ABCA2: variants seen among roughly 807,000 people sequenced by gnomAD.
ABCA2 encodes the protein ATP-binding cassette sub-family A member 2.
In ABCA2, 84 loss-of-function variants were observed where a neutral mutation model predicts 262.8. The observed-to-expected ratio is 0.32, with a 90% CI of 0.27 to 0.38. ABCA2 has a LOEUF of 0.38. Ranked by LOEUF, ABCA2 falls within the 10% of genes least tolerant of loss-of-function variation. The pLI, the probability that ABCA2 is intolerant of heterozygous loss-of-function variation, is 1.00. For missense variants in ABCA2, 2,662 were observed against 3,405.9 expected (o/e 0.78, Z 5.44); for synonymous variants, 1,696 against 1,502.9 (o/e 1.13, Z -2.97).
At chr9:137,016,508 C>T (rs774592891) in intron 20 of ABCA2, 37 bp from the exon 21 acceptor site, 23 of 1,612,220 alleles carry the variant, frequency 1.4e-5, no homozygotes, top group Admixed American at 5.0e-5. Flanking sequence ...GTGGGGGCGG[C>T]GCCAAGGCCA....
In ABCA2 at chr9:137,011,767, G is replaced by T. The variant is rs1831053776; in HGVS notation, c.5536-18C>A. On this transcript the variant is annotated intron_variant, in intron 35 of 48. Coordinates refer to ENST00000341511, the MANE Select transcript of ABCA2 (RefSeq NM_001606.5). This position sits in a 1 kb window ranked among gnomAD's most constrained non-coding sequence, Gnocchi z 8.8. Reference sequence around the variant, plus strand: ...TAGTTGAGCTGCAGGGGTGGGGGCGGCTGGTGAGAGACCCGGGGCAGGGCG... The same window carrying T: ...TAGTTGAGCTGCAGGGGTGGGGGCGTCTGGTGAGAGACCCGGGGCAGGGCG... The T allele has an allele frequency of 6.5e-7, 1 of 1,549,632 alleles. No homozygotes were observed. The highest frequency in any genetic ancestry group is 1.4e-5 in the African/African-American group (1 of 73,146).
chr9:137,009,520 A>C lies in ABCA2; in HGVS notation c.6734+21T>G, dbSNP rs779274701. 7 of 1,272,400 alleles carry C rather than the reference A, an allele frequency of 5.5e-6. No homozygotes were observed. The East Asian group carries it at 1.2e-4, about 21-fold the overall frequency. 78.8% of individuals were successfully genotyped at this position (1,272,400 alleles called of 1,614,324 possible). On this transcript the variant is annotated intron_variant, in intron 44 of 48. Transcript: ENST00000341511. Reference sequence around the variant, plus strand: ...GGTGCTGTGGGGTGGGGGCACAAAGAGGGGGTGGGGGCGCCCTCACCTGTG... The same window carrying C: ...GGTGCTGTGGGGTGGGGGCACAAAGCGGGGGTGGGGGCGCCCTCACCTGTG...
At position 137,011,804 on chromosome 9, in the gene ABCA2, TGAG is replaced by T. The variant is rs764062127; in HGVS notation, c.5535+37_5535+39del. ...CCCGGGGCAGGGCGGGGATGGGGGA[TGAG>T]AAGGGCCGGGGCACCCCATGGCCAC... On this transcript the variant is annotated intron_variant, in intron 35 of 48. Coordinates refer to ENST00000341511, the MANE Select transcript of ABCA2 (RefSeq NM_001606.5). The surrounding 1 kb of genome is among the most constrained non-coding windows in gnomAD (Gnocchi z 8.8). The T allele has an allele frequency of 1.2e-4, 193 of 1,552,230 alleles. No individual in the cohort carries two copies. The highest frequency in any genetic ancestry group is 1.6e-4 in the Non-Finnish European group (184 of 1,148,834).
At chr9:137,009,337 C>T (rs748599738) in intron 45 of ABCA2, 33 bp downstream of exon 45, 7 of 1,379,598 alleles carry the variant, frequency 5.1e-6, no homozygotes, top group South Asian at 5.0e-5. Context: ...CCCGGGCCCG[C>T]CCCAGCCCAC....
intron 6 of ABCA2, 31 bp from the exon 7 acceptor site, chr9:137,022,032 G>GGGTGTGGCTCAGATGGA (rs760804405): frequency 2.2e-6 from 3 of 1,352,812 alleles, no homozygotes; most frequent in Non-Finnish European, 3.1e-6. Flanking sequence ...GCTCAGATGG[G>GGGTGTGGCTCAGATGGA]GTGTGGGGGG....
In ABCA2 at chr9:137,018,177, C is replaced by T; in HGVS notation, c.1993+1G>A. The T allele has an allele frequency of 6.2e-7, 1 of 1,612,056 alleles. No homozygotes were observed. Among genetic ancestry groups the T allele is most frequent in the Non-Finnish European group, 8.5e-7 (1 of 1,179,648 alleles). On this transcript the variant is annotated splice_donor_variant, in intron 14 of 48. Coordinates refer to ENST00000341511, the MANE Select transcript of ABCA2 (RefSeq NM_001606.5). LOFTEE classifies it high-confidence loss of function. ...GCCGGTCTTCCGGGCCTGCTCCTCA[C>T]CCTGGATCCAGACGAAGCCGTAGAG...
rs1364115511 is a variant in ABCA2, at chr9:137,009,587, G to A, written c.6688C>T (p.Leu2230Phe). The part of the protein sequence containing the change: ...KARRFLWNLI[L>F]DLIKTGRSVV... ...GAACGCCCTGTCTTGATGAGGTCAA[G>A]GATGAGGTTCCAGAGGAAGCGCCGG... The change falls in exon 44 of 49, where the codon CTT becomes TTT. Residue 2230 changes from leucine to phenylalanine, a missense_variant. Physicochemically the swap from Leu to Phe is conservative, Grantham distance 22 (BLOSUM62 0). This residue lies in a region of ABCA2 where 602 missense variants were observed against 897.4 expected (regional missense o/e 0.67). Transcript: ENST00000341511. 2 of 1,612,854 alleles carry A rather than the reference G, an allele frequency of 1.2e-6. No homozygotes were observed. The highest frequency in any genetic ancestry group is 1.7e-6 in the Non-Finnish European group (2 of 1,179,928).
chr9:137,013,673 C>T (rs1831150632), intron 28 of ABCA2, 110 bp from the exon 29 acceptor site: 4 of 1,367,682 alleles, frequency 2.9e-6, no homozygotes, highest in Admixed American at 2.1e-5. Flanking sequence ...GGGTCTGGGA[C>T]CCGAGGAGAC....
chr9:137,018,868 G>T (rs766455355), intron 12 of ABCA2, 35 bp downstream of exon 12: 2 of 1,612,170 alleles, frequency 1.2e-6, no homozygotes, highest in Non-Finnish European at 1.7e-6. Flanking sequence ...GAGGCAGGGG[G>T]TGTCGTGGGT....
In ABCA2 at chr9:137,008,872, CA is replaced by C. The variant is rs755662629; in HGVS notation, c.6931-5del. The C allele has an allele frequency of 2.2e-5, 35 of 1,603,878 alleles. No homozygotes were observed. Among genetic ancestry groups the C allele is most frequent in the Non-Finnish European group, 2.9e-5 (34 of 1,179,500 alleles). On this transcript the variant is annotated splice_polypyrimidine_tract_variant and splice_region_variant and intron_variant, in intron 46 of 48. Coordinates refer to ENST00000341511, the MANE Select transcript of ABCA2 (RefSeq NM_001606.5). ...GCACCTTTGTGTGGTGCCGCTCCTG[CA>C]GGGGGGGAGGTCAGAGGCCTGGCAG...
rs1831006847 is a variant in ABCA2, at chr9:137,010,720, G to A, written c.6074C>T (p.Thr2025Ile). The A allele has an allele frequency of 6.2e-7, 1 of 1,612,528 alleles. No homozygotes were observed. The highest frequency in any genetic ancestry group is 8.5e-7 in the Non-Finnish European group (1 of 1,179,848). ...LRRPQRMPVSTKPVEDDVDVA... is the reference protein window; with the variant it reads ...LRRPQRMPVSIKPVEDDVDVA... ...GTCCACATCATCCTCCACAGGCTTG[G>A]TAGACACAGGCATGCGCCTTGGGGG... Residue 2025 changes from threonine (T) to isoleucine (I), a missense_variant, in exon 40 of 49, where the codon ACC becomes ATC. Coordinates refer to ENST00000341511, the MANE Select transcript of ABCA2 (RefSeq NM_001606.5).
intron 3 of ABCA2, chr9:137,023,608 C>T: frequency 1.4e-6 from 1 of 720,164 alleles, no homozygotes; most frequent in East Asian, 2.6e-5. Context: ...GATGCCGCCT[C>T]AGCTTGACCC....
chr9:137,013,683 C>G, intron 28 of ABCA2, 120 bp from the exon 29 acceptor site: 1 of 1,356,844 alleles, frequency 7.4e-7, no homozygotes, highest in Non-Finnish European at 1.0e-6. Flanking sequence ...CCCGAGGAGA[C>G]AGGACTCCCG....
Position 137,019,424 on chromosome 9 carries a change from C to CTT in ABCA2, c.1426-120_1426-119dup, listed in dbSNP as rs35180161. The CTT allele has an allele frequency of 6.2e-3, 5,572 of 897,392 alleles. No individual in the cohort carries two copies. Among genetic ancestry groups the CTT allele is most frequent in the Non-Finnish European group, 6.8e-3 (4,316 of 631,796 alleles). 55.6% of individuals were successfully genotyped at this position (897,392 alleles called of 1,614,324 possible). ...ATTGCCAACAACTAACCCTCCCCAC[C>CTT]TTTTTTTTTTTTTTTTTCCTGAGAC... On this transcript the variant is annotated intron_variant, in intron 10 of 48. Transcript: ENST00000341511. The surrounding 1 kb of genome is among the most constrained non-coding windows in gnomAD (Gnocchi z 4.4).
intron 1 of ABCA2, among the ~76,000 whole-genome samples, chr9:137,025,952 G>A (rs193039975): frequency 1.2e-3 from 179 of 152,258 alleles, no homozygotes; most frequent in Non-Finnish European, 2.0e-3. Flanking sequence ...CCCAACCTCC[G>A]TCCCTCGAGA....
chr9:137,024,261 G>A, intron 1 of ABCA2, 25 bp from the exon 2 acceptor site: 1 of 1,586,018 alleles, frequency 6.3e-7, no homozygotes, highest in South Asian at 1.1e-5. Context: ...CCCAGTGAGG[G>A]ATAGGACAGA....
intron 1 of ABCA2, among the ~76,000 whole-genome samples, chr9:137,027,037 G>T (rs1298980153): frequency 6.6e-6 from 1 of 152,240 alleles, no homozygotes; most frequent in Non-Finnish European, 1.5e-5. Flanking sequence ...AGTGCATGTT[G>T]AAAGATAAAC....
Position 137,010,054 on chromosome 9 carries a change from C to T in ABCA2, c.6424G>A (p.Glu2142Lys). 3.7e-6 allele frequency: 6 copies of T among 1,601,118 alleles called. No homozygotes were observed. Among genetic ancestry groups the T allele is most frequent in the South Asian group, 2.2e-5 (2 of 89,898 alleles). Reference protein sequence around the residue: ...YCPQCDALFDELTAREHLQLY... With the variant: ...YCPQCDALFDKLTAREHLQLY... ...TGCAGGTGCTCCCGGGCCGTGAGCT[C>T]GTCGAACAGCGCGTCACACTGCGGG... The change falls in exon 42 of 49, where the codon GAG (glutamate) becomes AAG (lysine). Residue 2142 changes from glutamate to lysine, a missense_variant. This residue lies in a region of ABCA2 where 602 missense variants were observed against 897.4 expected (regional missense o/e 0.67). Transcript: ENST00000341511.
chr9:137,017,011 G>A lies in ABCA2; in HGVS notation c.2667C>T (p.Asp889=), dbSNP rs202178377. 61 of 1,612,796 alleles carry A rather than the reference G, an allele frequency of 3.8e-5. No homozygotes were observed. The highest frequency in any genetic ancestry group is 3.1e-4 in the East Asian group (14 of 44,884). The change falls in exon 19 of 49, where the codon GAC becomes GAT. Residue 889 remains aspartate (D), a synonymous_variant. Transcript: ENST00000341511. ...TGACAGCCAGGAGCAAGTTGAAGTC[G>A]TCCCCCTCCACCGGGGACTGGCTGA... The part of the protein sequence containing the change: ...HTFSQSPVEG[D]DFNLLLAVTM...
Sources: gnomAD v4.1 joint callset for allele counts (sites outside exome capture counted in the v4.1 genomes callset) on GRCh38, gnomAD v4.1.1 for gene constraint, gnomAD v4.1.1 regional missense constraint, Gnocchi (gnomAD v3.1) non-coding constraint, MANE v1.5 for transcripts, NCBI Gene and HGNC (gene_info 2026-07-23, HGNC 2026-07-21) for gene names.